The following SCHIP1 variants were observed in gnomAD, a reference collection of about 807,000 sequenced individuals.
The protein encoded by SCHIP1 is schwannomin interacting protein 1.
A neutral mutation model predicts 29.7 loss-of-function variants in SCHIP1; 8 were observed. The ratio of observed to expected loss-of-function variants is 0.27; its 90% CI spans 0.16 to 0.49. SCHIP1 has a LOEUF of 0.49. Ranked by LOEUF, SCHIP1 falls within the 20% of genes least tolerant of loss-of-function variation. The pLI, the probability that SCHIP1 is intolerant of heterozygous loss-of-function variation, is 0.99. For synonymous variants in SCHIP1, 76 were observed against 94.9 expected (o/e 0.80, Z 1.16); for missense variants, 193 against 294.6 (o/e 0.66, Z 2.52).
chr3:159,863,458 T>C (rs1290812304), intron 1 of SCHIP1, among the ~76,000 whole-genome samples: 4 of 152,170 alleles, frequency 2.6e-5, no homozygotes, highest in African/African-American at 9.7e-5. Context: ...GATTGTGTTT[T>C]TTTTCCTTTC....
chr3:159,681,491 A>AT, the SCHIP1 span, among the ~76,000 whole-genome samples: 189 of 152,212 alleles, frequency 1.2e-3, no homozygotes, highest in African/African-American at 4.5e-3. Flanking sequence ...TGCATTTATA[A>AT]TTTTTCATTT....
At chr3:159,647,079 T>C in the SCHIP1 span, among the ~76,000 whole-genome samples, 1 of 150,242 alleles carries the variant, frequency 6.7e-6, no homozygotes, top group Non-Finnish European at 1.5e-5. Context: ...ACATAAAGAG[T>C]GTTAAGGGAA....
At chr3:159,714,123 G>T in the SCHIP1 span, among the ~76,000 whole-genome samples, 3 of 152,140 alleles carry the variant, frequency 2.0e-5, no homozygotes, top group African/African-American at 7.2e-5. Context: ...TGTAGCCCCA[G>T]CTACTTGGGA....
the SCHIP1 span, among the ~76,000 whole-genome samples, chr3:159,680,699 T>TATAC: frequency 3.2e-4 from 8 of 24,654 alleles, no homozygotes; most frequent in African/African-American, 1.3e-3. Context: ...ATATATATAA[T>TATAC]ATATATTATA....
chr3:159,678,823 C>G, the SCHIP1 span, among the ~76,000 whole-genome samples: 3 of 152,314 alleles, frequency 2.0e-5, no homozygotes, highest in African/African-American at 7.2e-5. Flanking sequence ...TGGCAGAAGA[C>G]AGAATGAGTA....
chr3:159,463,054 GTCAA>G, the SCHIP1 span, among the ~76,000 whole-genome samples: 1 of 151,612 alleles, frequency 6.6e-6, no homozygotes, highest in Non-Finnish European at 1.5e-5. Context: ...ATAGAATATT[GTCAA>G]TCAATATTAT....
At chr3:159,832,913 A>G in the SCHIP1 span, among the ~76,000 whole-genome samples, 2 of 152,202 alleles carry the variant, frequency 1.3e-5, no homozygotes, top group Non-Finnish European at 2.9e-5. Flanking sequence ...TTACTACAGT[A>G]TATTGTTATA....
chr3:159,559,127 C>T, the SCHIP1 span, among the ~76,000 whole-genome samples: 1 of 152,086 alleles, frequency 6.6e-6, no homozygotes, highest in Admixed American at 6.6e-5. Context: ...TTGGGATAGC[C>T]AAGTGCTCAG....
At chr3:159,720,297 A>T in the SCHIP1 span, among the ~76,000 whole-genome samples, 5 of 152,142 alleles carry the variant, frequency 3.3e-5, no homozygotes, top group Non-Finnish European at 7.4e-5. Flanking sequence ...TGACAAGTTA[A>T]CGGGTGCAGC....
chr3:159,781,019 AC>A, the SCHIP1 span, among the ~76,000 whole-genome samples: 1 of 152,240 alleles, frequency 6.6e-6, no homozygotes, highest in African/African-American at 2.4e-5. Context: ...GATAAAAACA[AC>A]TAGTTTTACA....
At chr3:159,701,073 T>C in the SCHIP1 span, among the ~76,000 whole-genome samples, 3 of 152,156 alleles carry the variant, frequency 2.0e-5, no homozygotes, top group Non-Finnish European at 4.4e-5. Context: ...TACAATAATA[T>C]TAAGCACAAG....
At chr3:159,561,447 C>A in the SCHIP1 span, among the ~76,000 whole-genome samples, 4 of 152,132 alleles carry the variant, frequency 2.6e-5, no homozygotes, top group Non-Finnish European at 2.9e-5. Flanking sequence ...TCATCAGATG[C>A]CAATATATAA....
the SCHIP1 span, among the ~76,000 whole-genome samples, chr3:159,809,035 A>G: frequency 4.0e-5 from 6 of 148,388 alleles, no homozygotes; most frequent in Admixed American, 1.4e-4. Flanking sequence ...TGTGCACAAC[A>G]TGCAGGTTTG....
the SCHIP1 span, among the ~76,000 whole-genome samples, chr3:159,636,487 GACT>G: frequency 6.6e-6 from 1 of 152,298 alleles, no homozygotes; most frequent in South Asian, 2.1e-4. Flanking sequence ...GAAGAAATTA[GACT>G]TTTTTAAAAA....
the SCHIP1 span, among the ~76,000 whole-genome samples, chr3:159,590,102 T>C: frequency 6.6e-6 from 1 of 152,006 alleles, no homozygotes; most frequent in Non-Finnish European, 1.5e-5. Context: ...CCCCATGCTT[T>C]GCTGAAAAGT....
chr3:159,838,570 A>G (rs1440653168), upstream of SCHIP1, among the ~76,000 whole-genome samples: 3 of 152,096 alleles, frequency 2.0e-5, no homozygotes, highest in African/African-American at 4.8e-5. Flanking sequence ...GTTAAGTACC[A>G]TTTATGTACT....
intron 2 of SCHIP1, 25 bp from the exon 4 acceptor site, chr3:159,886,182 T>C (rs1258803828): frequency 6.2e-6 from 10 of 1,612,640 alleles, no homozygotes; most frequent in South Asian, 2.2e-5. Context: ...TAAGTAGAAC[T>C]AGTGTCCTGT....
At chr3:159,511,762 T>C in the SCHIP1 span, among the ~76,000 whole-genome samples, 57 of 152,314 alleles carry the variant, frequency 3.7e-4, no homozygotes, top group African/African-American at 1.3e-3. Context: ...AGAAAGGATA[T>C]TCTAATAAAT....
At chr3:159,313,676 C>T in the SCHIP1 span, among the ~76,000 whole-genome samples, 2 of 152,112 alleles carry the variant, frequency 1.3e-5, no homozygotes, top group African/African-American at 4.8e-5. Context: ...CATAATATAA[C>T]TGACCAAACC....
Sources: gnomAD v4.1 joint callset for allele counts (sites outside exome capture counted in the v4.1 genomes callset) on GRCh38, gnomAD v4.1.1 for gene constraint, MANE v1.5 for transcripts, NCBI Gene and HGNC (gene_info 2026-07-23, HGNC 2026-07-21) for gene names.